ITSN2: variants seen among roughly 807,000 people sequenced by gnomAD.
ITSN2 encodes the protein intersectin-2.
ITSN2 carries 156 observed loss-of-function variants against 243.7 expected under a neutral mutation model. The ratio of observed to expected loss-of-function variants is 0.64; its 90% confidence interval spans 0.56 to 0.73. ITSN2 has a LOEUF of 0.73. ITSN2 is among the 30% of genes least tolerant of loss of function. The pLI is 0.00. For missense variants in ITSN2, 1,801 were observed against 1,996.1 expected (o/e 0.90, Z 1.86); for synonymous variants, 703 against 699.9 (o/e 1.00, Z -0.07).
chr2:24,257,833 T>G, intron 23 of ITSN2, 55 bp downstream of exon 23: 2 of 1,272,442 alleles, frequency 1.6e-6, no homozygotes, highest in South Asian at 2.4e-5. Context: ...CATGGCTGAC[T>G]CATTAGTGAA....
At chr2:24,328,573 A>G (rs2151842233) in intron 1 of ITSN2, among the ~76,000 whole-genome samples, 1 of 151,754 alleles carries the variant, frequency 6.6e-6, no homozygotes, top group Non-Finnish European at 1.5e-5. Flanking sequence ...AGCAATTCTC[A>G]TACCTTGGCC....
chr2:24,351,410 C>T (rs1688009188), intron 1 of ITSN2, among the ~76,000 whole-genome samples: 1 of 152,148 alleles, frequency 6.6e-6, no homozygotes, highest in Non-Finnish European at 1.5e-5. Context: ...CTTTCAACTG[C>T]ACAGAAGACA....
At chr2:24,235,506 G>C (rs1248950860) in intron 29 of ITSN2, among the ~76,000 whole-genome samples, 1 of 152,144 alleles carries the variant, frequency 6.6e-6, no homozygotes, top group African/African-American at 2.4e-5. Flanking sequence ...TGATGTAGGT[G>C]CATCAATTGT....
At chr2:24,281,976 G>A (rs921323300) in intron 17 of ITSN2, among the ~76,000 whole-genome samples, 1 of 152,216 alleles carries the variant, frequency 6.6e-6, no homozygotes, top group African/African-American at 2.4e-5. Context: ...TCTTGAAGCT[G>A]TCGATATGGG....
chr2:24,335,061 TCAAAAAAAAAAAA>T, intron 1 of ITSN2: 1 of 20,018 alleles, frequency 5.0e-5, no homozygotes. Context: ...AGACTCCGTC[TCAAAAAAAAAAAA>T]AAAAAAAAAA....
Position 24,271,801 on chromosome 2 carries a change from T to C in ITSN2, c.2222A>G (p.Lys741Arg). ...CTCAGCTTTCAAAGTATCCTTATCC[T>C]TACGTTGTTTCTCCTCAGCTTTCCG... ...EERKAEEKQR[K>R]DKDTLKAEEK... is the part of the protein sequence containing the mutation. Residue 741 changes from lysine (K) to arginine (R), a missense_variant, in exon 19 of 40, where the codon AAG becomes AGG. Around this residue, in one of 5 missense-constraint regions of ITSN2, gnomAD observed 787 missense variants for 803.9 expected, o/e 0.98. Coordinates refer to ENST00000355123, the MANE Select transcript of ITSN2 (RefSeq NM_006277.3). 5 of 1,605,774 alleles carry C rather than the reference T, an allele frequency of 3.1e-6. No individual in the cohort carries two copies. Among genetic ancestry groups the C allele is most frequent in the Non-Finnish European group, 4.2e-6 (5 of 1,178,132 alleles).
chr2:24,288,132 T>C (rs951587661), intron 15 of ITSN2, among the ~76,000 whole-genome samples: 1 of 152,084 alleles, frequency 6.6e-6, no homozygotes, highest in African/African-American at 2.4e-5. Context: ...CTTTTGTCAA[T>C]GTTTTCTTCT....
intron 23 of ITSN2, among the ~76,000 whole-genome samples, chr2:24,254,924 A>G (rs1379060619): frequency 6.6e-6 from 1 of 152,226 alleles, no homozygotes; most frequent in Non-Finnish European, 1.5e-5. Flanking sequence ...AAAATCTAGA[A>G]GACTGTCCTG....
Position 24,254,430 on chromosome 2 carries a change from G to T in ITSN2, c.2890C>A (p.Pro964Thr). The T allele has an allele frequency of 6.2e-7, 1 of 1,606,642 alleles. No homozygotes were observed. Residue 964 changes from proline (P) to threonine (T), a missense_variant and splice_region_variant, in exon 24 of 40, where the codon CCA becomes ACA. By Grantham distance (38) the Pro-to-Thr change is conservative (BLOSUM62 -1). Around this residue, in one of 5 missense-constraint regions of ITSN2, gnomAD observed 928 missense variants for 1,065.4 expected, o/e 0.87. Coordinates refer to ENST00000355123, the MANE Select transcript of ITSN2 (RefSeq NM_006277.3). ...IPGSEVKREEPEALYAAVNKK... is the reference protein window; with the variant it reads ...IPGSEVKREETEALYAAVNKK... ...TTTACAGCTGCATACAAAGCTTCTG[G>T]TCTACCAAATATATAAACAAACAAA...
At chr2:24,320,733 C>A (rs1271487462) in intron 2 of ITSN2, among the ~76,000 whole-genome samples, 5 of 19,992 alleles carry the variant, frequency 2.5e-4, no homozygotes, top group African/African-American at 4.1e-4. Flanking sequence ...CAACAACAAC[C>A]ACCAAAAAAA....
At chr2:24,350,827 G>A (rs1245172362) in intron 1 of ITSN2, among the ~76,000 whole-genome samples, 1 of 152,108 alleles carries the variant, frequency 6.6e-6, no homozygotes, top group East Asian at 1.9e-4. Context: ...TAGACTAGTG[G>A]CTACCTAGAG....
At chr2:24,227,211 C>T (rs182168123) in intron 29 of ITSN2, among the ~76,000 whole-genome samples, 73 of 151,860 alleles carry the variant, frequency 4.8e-4, no homozygotes, top group Non-Finnish European at 9.0e-4. Context: ...TGCAACTGGC[C>T]TGGAGGGTCA....
intron 10 of ITSN2, 79 bp downstream of exon 10, chr2:24,301,886 G>T: frequency 7.7e-7 from 1 of 1,302,966 alleles, no homozygotes; most frequent in Non-Finnish European, 1.0e-6. Flanking sequence ...ATCAATGGCA[G>T]TGCAAATATT....
At position 24,234,474 on chromosome 2, in the gene ITSN2, T is replaced by C. The variant is rs534464624; in HGVS notation, c.3577+11655A>G. On this transcript the variant is annotated intron_variant, in intron 29 of 39. Transcript: ENST00000355123. ...TTTAGATATGATACCAAAGACACAATCCATGAAAGAAAGAGTTGATAAGCT... is the reference window on the plus strand; with the variant it reads ...TTTAGATATGATACCAAAGACACAACCCATGAAAGAAAGAGTTGATAAGCT... Among the ~76,000 whole-genome samples, 8 of 152,184 alleles carry C rather than the reference T, an allele frequency of 5.3e-5. No individual in the cohort carries two copies. In the East Asian group the frequency reaches 1.4e-3, roughly 26 times the overall value.
intron 18 of ITSN2, among the ~76,000 whole-genome samples, chr2:24,272,256 T>C (rs978961849): frequency 2.6e-5 from 4 of 152,162 alleles, no homozygotes; most frequent in Admixed American, 6.5e-5. Flanking sequence ...AATGGAACCA[T>C]TCAGCAAATA....
chr2:24,328,295 TG>T, intron 1 of ITSN2, among the ~76,000 whole-genome samples, 180 bp from the exon 2 acceptor site: 1 of 152,332 alleles, frequency 6.6e-6, no homozygotes, highest in South Asian at 2.1e-4. Flanking sequence ...TAAGAGATTT[TG>T]TTGGGTAATC....
intron 30 of ITSN2, among the ~76,000 whole-genome samples, chr2:24,218,443 T>C (rs749007689): frequency 1.3e-5 from 2 of 152,250 alleles, no homozygotes; most frequent in Non-Finnish European, 2.9e-5. Flanking sequence ...TAACAACTTA[T>C]GCCACCCCTA....
rs371100189 is a variant in ITSN2, at chr2:24,246,211, C to A, written c.3495G>T (p.Trp1165Cys). 6.2e-6 allele frequency: 10 copies of A among 1,613,256 alleles called. No homozygotes were observed. The highest frequency in any genetic ancestry group is 5.3e-5 in the African/African-American group (4 of 74,886). ...NVMNKDDPDW[W>C]QGEINGVTGL... ...CAGTCACCCCGTTGATCTCTCCTTG[C>A]CACCAATCAGGATCATCTTTGTTCA... Residue 1165 changes from tryptophan to cysteine, a missense_variant, in exon 29 of 40, where the codon TGG (tryptophan) becomes TGT (cysteine). Trp to Cys is a radical substitution (Grantham distance 215). Around this residue, in one of 5 missense-constraint regions of ITSN2, gnomAD observed 928 missense variants for 1,065.4 expected, o/e 0.87. Coordinates refer to ENST00000355123, the MANE Select transcript of ITSN2 (RefSeq NM_006277.3).
intron 27 of ITSN2, 81 bp downstream of exon 27, chr2:24,248,548 A>T: frequency 8.1e-7 from 1 of 1,228,300 alleles, no homozygotes; most frequent in Admixed American, 2.4e-5. Flanking sequence ...TGATCTAAAA[A>T]TTTTTATTAA....
Sources: gnomAD v4.1 joint callset for allele counts (sites outside exome capture counted in the v4.1 genomes callset) on GRCh38, gnomAD v4.1.1 for gene constraint, gnomAD v4.1.1 regional missense constraint, MANE v1.5 for transcripts, NCBI Gene and HGNC (gene_info 2026-07-23, HGNC 2026-07-21) for gene names.